USP12: variants seen among roughly 807,000 people sequenced by gnomAD.
The protein encoded by USP12 is ubiquitin specific peptidase 12, also known as ubiquitin carboxyl-terminal hydrolase 12.
Under a neutral mutation model 45.5 loss-of-function variants are expected in USP12, and 19 were observed. The ratio of observed to expected loss-of-function variants is 0.42; its 90% CI spans 0.29 to 0.61. The LOEUF (loss-of-function observed/expected upper bound fraction) is 0.61. USP12 is among the 20% of genes least tolerant of loss of function. The probability of loss-of-function intolerance (pLI) is 0.22; values close to 1 mark genes in which losing one functional copy is unlikely to be tolerated. For synonymous variants in USP12, 149 were observed against 148.8 expected, an observed-to-expected ratio of 1.00 and a Z score of -0.01; for missense variants, 242 against 447.7, an observed-to-expected ratio of 0.54 and a Z score of 4.15.
intron 6 of USP12, chr13:27,077,560 G>C (rs1419577827): frequency 1.3e-5 from 2 of 152,164 alleles, no homozygotes; most frequent in Non-Finnish European, 2.9e-5. Context: ...GATCCTCCCA[G>C]AGGAGAAGTG....
At chr13:27,098,366 T>TAAA (rs55837621) in intron 3 of USP12, among the ~76,000 whole-genome samples, 26 of 150,078 alleles carry the variant, frequency 1.7e-4, no homozygotes, top group East Asian at 3.9e-4. Flanking sequence ...ACAGAATATT[T>TAAA]AAAAAAAAAC....
chr13:27,073,766 T>C (rs1418588176), intron 7 of USP12, among the ~76,000 whole-genome samples: 2 of 152,198 alleles, frequency 1.3e-5, no homozygotes, highest in African/African-American at 4.8e-5. Flanking sequence ...CTTTGAATCC[T>C]AACAAAGCAA....
chr13:27,131,165 A>G (rs1459668814), intron 1 of USP12, among the ~76,000 whole-genome samples: 1 of 152,232 alleles, frequency 6.6e-6, no homozygotes. Context: ...CAATATGGGA[A>G]CTTGAGTGTG....
chr13:27,116,311 C>CAAAAAAAA (rs10549775), intron 2 of USP12, among the ~76,000 whole-genome samples: 1 of 90,944 alleles, frequency 1.1e-5, no homozygotes, highest in Non-Finnish European at 2.2e-5. Flanking sequence ...GACGCTGTCT[C>CAAAAAAAA]AAAAAAAAAA....
chr13:27,102,396 C>A (rs1193893010), intron 3 of USP12, among the ~76,000 whole-genome samples: 2 of 151,954 alleles, frequency 1.3e-5, no homozygotes, highest in Non-Finnish European at 2.9e-5. Flanking sequence ...CACCCAGCAG[C>A]CAAAGGGTCT....
chr13:27,080,518 TAAGAACAGGACTGG>T (rs1873701961), intron 6 of USP12, among the ~76,000 whole-genome samples: 1 of 152,056 alleles, frequency 6.6e-6, no homozygotes, highest in African/African-American at 2.4e-5. Flanking sequence ...CAATACCTGG[TAAGAACAGGACTGG>T]TCCCAGAAGT....
intron 1 of USP12, among the ~76,000 whole-genome samples, chr13:27,138,712 A>AT (rs1303168405): frequency 6.6e-6 from 1 of 151,888 alleles, no homozygotes; most frequent in Non-Finnish European, 1.5e-5. Flanking sequence ...TTTACCTACA[A>AT]TTTTTTTCGT....
chr13:27,141,407 T>C (rs943218043), intron 1 of USP12, among the ~76,000 whole-genome samples: 2 of 152,178 alleles, frequency 1.3e-5, no homozygotes, highest in South Asian at 2.1e-4. Context: ...TGAGCACACA[T>C]AGAATCGGCA....
At position 27,171,690 on chromosome 13, in the gene USP12, A is replaced by T. The variant is rs1020428001; in HGVS notation, c.-51T>A. On this transcript the variant is annotated 5_prime_UTR_variant, in exon 1 of 9. Transcript: ENST00000282344. ...TCACAGCGGCGGCGGCGGGCGGGGG[A>T]GGAGGGGAGCCGGGCCGCCCGCTCG... 3 of 1,122,808 alleles carry T rather than the reference A, an allele frequency of 2.7e-6. No individual in the cohort carries two copies. The highest frequency in any genetic ancestry group is 3.4e-6 in the Non-Finnish European group (3 of 872,242). The allele number at this position is 1,122,808 out of a possible 1,614,324, so 69.6% of individuals were successfully genotyped here.
Position 27,136,729 on chromosome 13 carries a change from G to A in USP12, c.49-20133C>T, listed in dbSNP as rs138080848. 1.7e-3 allele frequency among the ~76,000 whole-genome samples: 262 copies of A among 152,230 alleles called. 4 individuals carry two copies. The East Asian group carries it at 0.049, about 28-fold the overall frequency. ...ACCACTAGGCTAAAACTTGATATATGCATTATATGGTCCATATGCTCAGGG... is the reference window on the plus strand; with the variant it reads ...ACCACTAGGCTAAAACTTGATATATACATTATATGGTCCATATGCTCAGGG... On this transcript the variant is annotated intron_variant, in intron 1 of 8. Coordinates refer to ENST00000282344, the MANE Select transcript of USP12 (RefSeq NM_182488.4).
intron 1 of USP12, among the ~76,000 whole-genome samples, chr13:27,148,494 C>T (rs1458014354): frequency 2.0e-5 from 3 of 150,856 alleles, no homozygotes; most frequent in Non-Finnish European, 4.4e-5. Flanking sequence ...ACCAACATAG[C>T]GAAACCCCGT....
At chr13:27,163,487 C>T (rs1878206122) in intron 1 of USP12, among the ~76,000 whole-genome samples, 2 of 152,206 alleles carry the variant, frequency 1.3e-5, no homozygotes, top group African/African-American at 4.8e-5. Flanking sequence ...AAACCACCTT[C>T]TCTTTCACAT....
intron 1 of USP12, among the ~76,000 whole-genome samples, chr13:27,133,668 T>C (rs1382712613): frequency 6.7e-6 from 1 of 148,694 alleles, no homozygotes; most frequent in Non-Finnish European, 1.5e-5. Context: ...ATGGGAGAAA[T>C]ACCTGGAGCT....
intron 1 of USP12, among the ~76,000 whole-genome samples, chr13:27,166,508 G>A (rs1265040348): frequency 6.6e-6 from 1 of 152,176 alleles, no homozygotes; most frequent in Non-Finnish European, 1.5e-5. Context: ...TCATCTCGCT[G>A]CAACTGGCCA....
At chr13:27,142,851 T>C (rs940837695) in intron 1 of USP12, among the ~76,000 whole-genome samples, 5 of 152,060 alleles carry the variant, frequency 3.3e-5, no homozygotes, top group Admixed American at 2.0e-4. Context: ...TCCAAGCACT[T>C]TGGGAGGCCG....
intron 1 of USP12, among the ~76,000 whole-genome samples, chr13:27,156,763 A>G (rs1593214256): frequency 6.6e-6 from 1 of 152,322 alleles, no homozygotes; most frequent in South Asian, 2.1e-4. Flanking sequence ...TGGAGGTTGC[A>G]GTGAGCCGAA....
intron 6 of USP12, among the ~76,000 whole-genome samples, chr13:27,079,261 T>C (rs1343632816): frequency 6.6e-6 from 1 of 151,652 alleles, no homozygotes; most frequent in Non-Finnish European, 1.5e-5. Context: ...AGGTAAGGAT[T>C]CAATCTCAAG....
chr13:27,137,190 A>C (rs1876845288), intron 1 of USP12, among the ~76,000 whole-genome samples: 1 of 152,208 alleles, frequency 6.6e-6, no homozygotes, highest in South Asian at 2.1e-4. Flanking sequence ...ATTTTGAACA[A>C]AGGGTTGTCC....
At chr13:27,108,936 C>T (rs1360345613) in intron 2 of USP12, among the ~76,000 whole-genome samples, 1 of 152,068 alleles carries the variant, frequency 6.6e-6, no homozygotes, top group Non-Finnish European at 1.5e-5. Flanking sequence ...ATGAGACTTT[C>T]TCCACAAAAA....
Sources: allele counts gnomAD v4.1 joint callset (sites outside exome capture counted in the v4.1 genomes callset), GRCh38; gene constraint gnomAD v4.1.1; transcripts MANE v1.5; gene names NCBI Gene and HGNC (gene_info 2026-07-23, HGNC 2026-07-21).